DACH2: variants seen among roughly 807,000 people sequenced by gnomAD.
DACH2 encodes the protein dachshund family transcription factor 2, also known as dachshund homolog 2.
Under a neutral mutation model 35.8 loss-of-function variants are expected in DACH2, and 17 were observed. The observed-to-expected ratio is 0.48, with a 90% confidence interval of 0.33 to 0.71. The LOEUF is 0.71. Ranked by LOEUF, DACH2 falls within the 30% of genes least tolerant of loss-of-function variation. The probability of loss-of-function intolerance (pLI) is 0.02; values close to 1 mark genes in which losing one functional copy is unlikely to be tolerated. For synonymous variants in DACH2, 195 were observed against 177.3 expected, an observed-to-expected ratio of 1.10 and a Z score of -0.79; for missense variants, 469 against 472.7, an observed-to-expected ratio of 0.99 and a Z score of 0.07.
chrX:86,501,857 T>C (rs1376926712), intron 2 of DACH2, among the ~76,000 whole-genome samples: 1 of 111,968 alleles, frequency 8.9e-6, no homozygotes, highest in Non-Finnish European at 1.9e-5. Flanking sequence ...AATTTTGGTA[T>C]TTTAAACCAG....
intron 1 of DACH2, among the ~76,000 whole-genome samples, chrX:86,173,564 C>T (rs1218256403): frequency 9.0e-6 from 1 of 111,333 alleles, no homozygotes; most frequent in Non-Finnish European, 1.9e-5. Flanking sequence ...GACCAGAAGC[C>T]AGGAGCATAC....
chrX:86,504,158 CA>C (rs2038289864), intron 2 of DACH2, among the ~76,000 whole-genome samples: 1 of 110,255 alleles, frequency 9.1e-6, no homozygotes. Context: ...GCCAATTCCT[CA>C]TAATTCTTTG....
intron 3 of DACH2, among the ~76,000 whole-genome samples, chrX:86,554,362 A>G (rs1378055785): frequency 9.0e-6 from 1 of 111,628 alleles, no homozygotes; most frequent in Non-Finnish European, 1.9e-5. Context: ...TTTTAGTCTC[A>G]AGATTTTAAA....
At chrX:86,782,794 A>G (rs2042100781) in intron 7 of DACH2, among the ~76,000 whole-genome samples, 1 of 111,614 alleles carries the variant, frequency 9.0e-6, no homozygotes, top group South Asian at 3.7e-4. Flanking sequence ...AAGACCTCAA[A>G]CTATGAAACT....
At chrX:86,529,946 TACACACACAC>T (rs779572561) in intron 3 of DACH2, among the ~76,000 whole-genome samples, 2 of 79,176 alleles carry the variant, frequency 2.5e-5, no homozygotes, top group African/African-American at 4.4e-5. Flanking sequence ...CCATTGTACA[TACACACACAC>T]ACACACACAC....
intron 6 of DACH2, among the ~76,000 whole-genome samples, chrX:86,726,780 G>T (rs2041474386): frequency 8.9e-6 from 1 of 111,906 alleles, no homozygotes; most frequent in African/African-American, 3.3e-5. Flanking sequence ...AAAGTCTGTT[G>T]CAGGAGTGTG....
At chrX:86,253,321 G>A (rs1484523102) in intron 1 of DACH2, among the ~76,000 whole-genome samples, 1 of 111,673 alleles carries the variant, frequency 9.0e-6, no homozygotes, top group African/African-American at 3.2e-5. Context: ...TGGGTGGGTA[G>A]AATCAACATT....
intron 4 of DACH2, among the ~76,000 whole-genome samples, chrX:86,667,245 C>CAA (rs1470990199): frequency 1.6e-5 from 1 of 61,730 alleles, no homozygotes; most frequent in African/African-American, 6.4e-5. Flanking sequence ...AAGACTCTGT[C>CAA]AAAAAAAAAA....
chrX:86,294,982 A>C (rs1191292470), intron 1 of DACH2, among the ~76,000 whole-genome samples: 1 of 111,953 alleles, frequency 8.9e-6, no homozygotes, highest in Non-Finnish European at 1.9e-5. Flanking sequence ...TTGTTTACCT[A>C]AGCAAGCCTG....
chrX:86,690,877 C>T (rs184741689), intron 4 of DACH2, among the ~76,000 whole-genome samples: 101 of 111,694 alleles, frequency 9.0e-4, no homozygotes, highest in African/African-American at 3.0e-3. Context: ...TATTGTGTTA[C>T]ACTCTTTATT....
Position 86,563,374 on chromosome X carries a change from C to T in DACH2, c.640+48983C>T, listed in dbSNP as rs374921311. ...TATATTAATTTTGTGGTCTTGACCA[C>T]TTACATGGGTATTGCCACCTTGATA... On this transcript the variant is annotated intron_variant, in intron 3 of 11. Transcript: ENST00000373125. 1.4e-4 allele frequency among the ~76,000 whole-genome samples: 15 copies of T among 110,640 alleles called. No homozygotes were observed. In the East Asian group the frequency reaches 2.0e-3, roughly 15 times the overall value.
intron 2 of DACH2, among the ~76,000 whole-genome samples, chrX:86,503,105 A>G (rs2038274381): frequency 8.9e-6 from 1 of 112,322 alleles, no homozygotes; most frequent in Middle Eastern, 4.6e-3. Flanking sequence ...CTCATTTCTC[A>G]TTTATAAATA....
chrX:86,599,468 T>TTCTTTCTTTCTTTCTG (rs1437657041), intron 3 of DACH2, among the ~76,000 whole-genome samples: 4 of 75,614 alleles, frequency 5.3e-5, no homozygotes, highest in Admixed American at 3.1e-4. Context: ...CTTCCTTCTT[T>TTCTTTCTTTCTTTCTG]TCTTTCTTTC....
At chrX:86,652,138 CT>C (rs1296654298) in intron 4 of DACH2, among the ~76,000 whole-genome samples, 1 of 111,023 alleles carries the variant, frequency 9.0e-6, no homozygotes, top group African/African-American at 3.3e-5. Flanking sequence ...CTGTTGTTCC[CT>C]TTTTTTCTGT....
chrX:86,578,589 T>TTG (rs1288909553), intron 3 of DACH2, among the ~76,000 whole-genome samples: 2 of 111,951 alleles, frequency 1.8e-5, no homozygotes, highest in Non-Finnish European at 3.8e-5. Context: ...TTCATCCATA[T>TTG]TGTTGTGTGG....
intron 1 of DACH2, among the ~76,000 whole-genome samples, chrX:86,219,552 A>C (rs891012092): frequency 6.3e-5 from 7 of 111,551 alleles, no homozygotes; most frequent in African/African-American, 1.6e-4. Context: ...AAGTTGAAAC[A>C]TGAATTATGG....
chrX:86,680,552 CA>C (rs1207117137), intron 4 of DACH2, among the ~76,000 whole-genome samples: 1 of 110,806 alleles, frequency 9.0e-6, no homozygotes, highest in African/African-American at 3.3e-5. Context: ...AAATTTTGTG[CA>C]TATTTTAACT....
At chrX:86,760,518 A>G (rs1281141858) in intron 7 of DACH2, among the ~76,000 whole-genome samples, 1 of 111,390 alleles carries the variant, frequency 9.0e-6, no homozygotes, top group Admixed American at 9.6e-5. Flanking sequence ...TTTCTATTTC[A>G]TTCAATGAAT....
intron 1 of DACH2, among the ~76,000 whole-genome samples, chrX:86,327,333 G>A (rs1216575106): frequency 9.0e-6 from 1 of 111,608 alleles, no homozygotes; most frequent in Admixed American, 9.5e-5. Flanking sequence ...TGCTTTACCT[G>A]CCTCTGGCTT....
Sources: gnomAD v4.1 joint callset for allele counts (sites outside exome capture counted in the v4.1 genomes callset) on GRCh38, gnomAD v4.1.1 for gene constraint, MANE v1.5 for transcripts, NCBI Gene and HGNC (gene_info 2026-07-23, HGNC 2026-07-21) for gene names.